DNAH2: variants seen among roughly 807,000 people sequenced by gnomAD.
DNAH2 encodes dynein axonemal heavy chain 2.
DNAH2 carries 323 observed loss-of-function variants against 523.5 expected under a neutral mutation model. That is an observed-to-expected ratio of 0.62 (90% CI 0.56 to 0.68). The LOEUF is 0.68. DNAH2 is among the 30% of genes least tolerant of loss of function. The probability of loss-of-function intolerance (pLI) is 0.00; values close to 1 mark genes in which losing one functional copy is unlikely to be tolerated. For missense variants in DNAH2, 4,907 were observed against 5,701.5 expected (o/e 0.86, Z 4.49); for synonymous variants, 2,093 against 2,177.4 (o/e 0.96, Z 1.08).
intron 2 of DNAH2, among the ~76,000 whole-genome samples, chr17:7,723,115 T>A (rs571737611): frequency 2.7e-5 from 4 of 148,916 alleles, no homozygotes; most frequent in Non-Finnish European, 1.5e-5. Context: ...GACTACAGGC[T>A]CCCACCAGCA....
At chr17:7,822,397 C>T (rs1597778103) in intron 73 of DNAH2, among the ~76,000 whole-genome samples, 1 of 152,238 alleles carries the variant, frequency 6.6e-6, no homozygotes, top group Non-Finnish European at 1.5e-5. Flanking sequence ...CCCCCTGGCA[C>T]GTCTCGCCTC....
chr17:7,824,607 G>C lies in DNAH2; in HGVS notation c.11733G>C (p.Glu3911Asp). ...TGCCTAATCTGGACAAGCTGGTGGA[G>C]CAGCTGCAGGTGGAGGATCCTCATC... ...SWMPNLDKLV[E>D]QLQVEDPHPS... The change falls in exon 77 of 86, where the codon GAG becomes GAC. Residue 3911 changes from glutamate (E) to aspartate (D), a missense_variant. Glu to Asp is a conservative substitution (Grantham distance 45). Around this residue, in one of 3 missense-constraint regions of DNAH2, gnomAD observed 1,851 missense variants for 2,139.4 expected, o/e 0.87. Transcript: ENST00000572933. 1 of 1,607,324 alleles carries C rather than the reference G, an allele frequency of 6.2e-7. No individual in the cohort carries two copies. The highest frequency in any genetic ancestry group is 1.3e-5 in the African/African-American group (1 of 74,860).
chr17:7,734,508 C>G lies in DNAH2; in HGVS notation c.778C>G (p.Leu260Val). 1 of 1,613,850 alleles carries G rather than the reference C, an allele frequency of 6.2e-7. No homozygotes were observed. Among genetic ancestry groups the G allele is most frequent in the Middle Eastern group, 1.7e-4 (1 of 6,060 alleles). The change falls in exon 7 of 86, where the codon CTC becomes GTC. Residue 260 changes from leucine (L) to valine (V), a missense_variant. Leu to Val is a conservative substitution (Grantham distance 32). Transcript: ENST00000572933. Reference sequence around the variant, plus strand: ...CTGGACCCGGCAGATAAAGGAGATGCTCAGTGCCCAGGAGACTGTGGAGAC... The same window carrying G: ...CTGGACCCGGCAGATAAAGGAGATGGTCAGTGCCCAGGAGACTGTGGAGAC... ...IHWTRQIKEMLSAQETVETGE... is the reference protein window; with the variant it reads ...IHWTRQIKEMVSAQETVETGE...
In DNAH2 at chr17:7,758,539, A is replaced by G. The variant is rs1036356701; in HGVS notation, c.2096A>G (p.Glu699Gly). The change falls in exon 14 of 86, where the codon GAG (glutamate) becomes GGG (glycine). Residue 699 changes from glutamate (E) to glycine (G), a missense_variant. Glu to Gly is a moderately conservative substitution (Grantham distance 98). Coordinates refer to ENST00000572933, the MANE Select transcript of DNAH2 (RefSeq NM_020877.5). ...LSPDEQALFK[E>G]RIRLLDKKIH... ...CCAGATGAGCAGGCCCTATTCAAAGAGCGTATTCGGCTCCTGGATAAGAAG... is the reference window on the plus strand; with the variant it reads ...CCAGATGAGCAGGCCCTATTCAAAGGGCGTATTCGGCTCCTGGATAAGAAG... The G allele has an allele frequency of 1.7e-5, 27 of 1,614,034 alleles. No individual in the cohort carries two copies. The highest frequency in any genetic ancestry group is 2.2e-5 in the East Asian group (1 of 44,888).
chr17:7,731,589 T>A (rs1196987933), intron 4 of DNAH2, among the ~76,000 whole-genome samples: 1 of 152,166 alleles, frequency 6.6e-6, no homozygotes, highest in Non-Finnish European at 1.5e-5. Flanking sequence ...GAATAATGTT[T>A]TCTCTAATAT....
In DNAH2 at chr17:7,760,325, C is replaced by T. The variant is rs560370937; in HGVS notation, c.2785+387C>T. Among the ~76,000 whole-genome samples the T allele has an allele frequency of 4.0e-5, 6 of 150,828 alleles. No individual in the cohort carries two copies. Among genetic ancestry groups the T allele is most frequent in the Admixed American group, 3.3e-4 (5 of 15,118 alleles). On this transcript the variant is annotated intron_variant, in intron 17 of 85. Transcript: ENST00000572933. This position sits in a 1 kb window ranked among gnomAD's most constrained non-coding sequence, Gnocchi z 4.0. ...GCAGTGAGCGGAGATCATGCCACTG[C>T]ATTCCAGCCTGGGTGACAGAGTGAG... is the stretch of plus-strand genomic sequence containing the variant.
In DNAH2 at chr17:7,723,685, A is replaced by T; in HGVS notation, c.224A>T (p.Asp75Val). 1 of 1,613,942 alleles carries T rather than the reference A, an allele frequency of 6.2e-7. No individual in the cohort carries two copies. The highest frequency in any genetic ancestry group is 1.3e-5 in the African/African-American group (1 of 75,028). Reference sequence around the variant, plus strand: ...GAAGAATCAGTGGAGCCCGAGGCAGATGTGGTAGGCTTGGGTCTTCCCTGT... The same window carrying T: ...GAAGAATCAGTGGAGCCCGAGGCAGTTGTGGTAGGCTTGGGTCTTCCCTGT... ...QSEESVEPEA[D>V]VKPLFLSRAA... Residue 75 changes from aspartate to valine, a missense_variant, in exon 3 of 86, where the codon GAT (aspartate) becomes GTT (valine). Coordinates refer to ENST00000572933, the MANE Select transcript of DNAH2 (RefSeq NM_020877.5).
intron 24 of DNAH2, among the ~76,000 whole-genome samples, chr17:7,769,693 G>A (rs1057117921): frequency 6.6e-6 from 1 of 151,940 alleles, no homozygotes; most frequent in African/African-American, 2.4e-5. Flanking sequence ...AAACCATTGG[G>A]GATAGATTTA....
intron 48 of DNAH2, among the ~76,000 whole-genome samples, chr17:7,793,505 TTCTTTCTTTCTTC>T (rs1413851153): frequency 3.1e-4 from 42 of 133,392 alleles, no homozygotes; most frequent in African/African-American, 8.9e-4. Flanking sequence ...CTTTCTTTCT[TTCTTTCTTTCTTC>T]TCTTTCTCTT....
At chr17:7,787,327 C>A in intron 42 of DNAH2, 3 of 485,326 alleles carry the variant, frequency 6.2e-6, no homozygotes, top group Non-Finnish European at 1.1e-5. Flanking sequence ...CGTTTGTGCA[C>A]CCAGAGGTAT....
chr17:7,820,005 C>A (rs920700897), intron 72 of DNAH2, among the ~76,000 whole-genome samples: 1 of 152,162 alleles, frequency 6.6e-6, no homozygotes, highest in African/African-American at 2.4e-5. Context: ...GAAAGGGTCT[C>A]CCTATGTTGC....
In DNAH2 at chr17:7,804,361, G is replaced by A; in HGVS notation, c.9078G>A (p.Leu3026=). The part of the protein sequence containing the change: ...ETREKVQVMS[L]ELEDAKKKVA... ...GGGAAAAGGTGCAAGTGATGTCGTT[G>A]GAGCTGGAGGATGCCAAGAAGAAGG... is the stretch of plus-strand genomic sequence containing the variant. Residue 3026 remains leucine (L), a synonymous_variant, in exon 59 of 86, where the codon TTG becomes TTA. Transcript: ENST00000572933. 6.2e-7 allele frequency: 1 copy of A among 1,614,188 alleles called. No individual in the cohort carries two copies. Among genetic ancestry groups the A allele is most frequent in the Non-Finnish European group, 8.5e-7 (1 of 1,180,032 alleles).
chr17:7,831,412 T>A lies in DNAH2; in HGVS notation c.12482T>A (p.Val4161Glu). 6.2e-7 allele frequency: 1 copy of A among 1,614,096 alleles called. No homozygotes were observed. The highest frequency in any genetic ancestry group is 8.5e-7 in the Non-Finnish European group (1 of 1,180,012). The part of the protein sequence containing the change: ...EEKVLELAAD[V>E]KQKIPEMIDY... ...CAGGTCCTTGAGTTGGCCGCTGATG[T>A]GAAGCAGAAGATCCCTGAAATGATC... Residue 4161 changes from valine (V) to glutamate (E), a missense_variant, in exon 81 of 86, where the codon GTG becomes GAG. Physicochemically the swap from Val to Glu is moderately radical, Grantham distance 121. Transcript: ENST00000572933. This position sits in a 1 kb window ranked among gnomAD's most constrained non-coding sequence, Gnocchi z 4.2.
Position 7,765,448 on chromosome 17 carries a change from CT to C in DNAH2, c.3395del (p.Leu1132ArgfsTer7). The C allele has an allele frequency of 6.2e-7, 1 of 1,614,222 alleles. No individual in the cohort carries two copies. The highest frequency in any genetic ancestry group is 8.5e-7 in the Non-Finnish European group (1 of 1,180,036). ...GTGGGTTGTCTTCCAACAAACTCTG[CT>C]GGACAGTAAGCAAATGCTGAAGAAA... ...GEWVVFQQTL[L>X]DSKQMLKKHK... On this transcript the variant is annotated frameshift_variant, in exon 21 of 86. Transcript: ENST00000572933. LOFTEE classifies it high-confidence loss of function.
intron 63 of DNAH2, among the ~76,000 whole-genome samples, chr17:7,809,312 G>A (rs1234192110): frequency 6.6e-6 from 1 of 151,980 alleles, no homozygotes; most frequent in African/African-American, 2.4e-5. Flanking sequence ...CTGACTTCAC[G>A]CCTCTCTGCC....
Position 7,737,127 on chromosome 17 carries a change from C to T in DNAH2, c.1039C>T (p.Gln347Ter), listed in dbSNP as rs1481754932. ...TFLSILKEPY[Q>*]ELAFMKPKDI... ...TTTGTCAATCCTGAAGGAACCTTAC[C>T]AGGAGTTGGCTTTCATGAAGCCCAA... The change falls in exon 8 of 86, where the codon CAG becomes TAG. Residue 347 changes from glutamine to a stop codon, truncating the protein, a stop_gained. Coordinates refer to ENST00000572933, the MANE Select transcript of DNAH2 (RefSeq NM_020877.5). LOFTEE classifies it high-confidence loss of function. 1 of 1,614,132 alleles carries T rather than the reference C, an allele frequency of 6.2e-7. No individual in the cohort carries two copies. Among genetic ancestry groups the T allele is most frequent in the Non-Finnish European group, 8.5e-7 (1 of 1,180,024 alleles).
Position 7,781,075 on chromosome 17 carries a change from G to C in DNAH2, c.6037G>C (p.Ala2013Pro). The change falls in exon 39 of 86, where the codon GCC (alanine) becomes CCC (proline). Residue 2013 changes from alanine to proline, a missense_variant. Transcript: ENST00000572933. Reference sequence around the variant, plus strand: ...GCTCTCAATGAGAGATATGAACATCGCCAAGCTCACTTCAGTTGATGCACC... The same window carrying C: ...GCTCTCAATGAGAGATATGAACATCCCCAAGCTCACTTCAGTTGATGCACC... ...LLLSMRDMNI[A>P]KLTSVDAPLF... The C allele has an allele frequency of 1.2e-6, 2 of 1,614,150 alleles. No individual in the cohort carries two copies. Among genetic ancestry groups the C allele is most frequent in the Non-Finnish European group, 1.7e-6 (2 of 1,180,040 alleles).
chr17:7,740,380 C>G, intron 9 of DNAH2, 40 bp from the exon 10 acceptor site: 4 of 1,609,604 alleles, frequency 2.5e-6, no homozygotes, highest in Non-Finnish European at 3.4e-6. Context: ...TGGGGGCAGG[C>G]GAGGGCACTC....
intron 11 of DNAH2, among the ~76,000 whole-genome samples, chr17:7,741,822 C>T (rs1024238113): frequency 2.0e-5 from 3 of 151,882 alleles, no homozygotes; most frequent in African/African-American, 7.2e-5. Context: ...CACCACCACG[C>T]CCGGCTAATT....
Sources: allele counts gnomAD v4.1 joint callset (sites outside exome capture counted in the v4.1 genomes callset), GRCh38; gene constraint gnomAD v4.1.1; regional missense constraint gnomAD v4.1.1; non-coding constraint Gnocchi (gnomAD v3.1); transcripts MANE v1.5; gene names NCBI Gene and HGNC (gene_info 2026-07-23, HGNC 2026-07-21).